CA3: variants seen among roughly 807,000 people sequenced by gnomAD.
CA3 encodes the protein carbonic anhydrase 3.
In CA3, 30 loss-of-function variants were observed where a neutral mutation model predicts 35.7. The observed-to-expected ratio is 0.84, with a 90% CI of 0.63 to 1.14. CA3 has a LOEUF of 1.14. CA3 is among the 50% of genes most tolerant of loss of function. CA3 has a pLI of 0.00. For synonymous variants in CA3, 131 were observed against 130.8 expected (o/e 1.00, Z -0.01); for missense variants, 295 against 328.5 (o/e 0.90, Z 0.79).
At chr8:85,447,294 T>A (rs886240425) in intron 6 of CA3, among the ~76,000 whole-genome samples, 5 of 152,154 alleles carry the variant, frequency 3.3e-5, no homozygotes, top group Non-Finnish European at 5.9e-5. Flanking sequence ...TTGATTTCTT[T>A]TTGCTCTTAA....
chr8:85,441,904 C>A, intron 2 of CA3, 169 bp from the exon 3 acceptor site: 1 of 571,342 alleles, frequency 1.8e-6, no homozygotes, highest in African/African-American at 1.9e-5. Flanking sequence ...CTTGACATAT[C>A]CCCAGACTTC....
intron 4 of CA3, among the ~76,000 whole-genome samples, chr8:85,444,742 A>T (rs1315596877): frequency 6.6e-6 from 1 of 152,222 alleles, no homozygotes; most frequent in Admixed American, 6.5e-5. Flanking sequence ...AATTTGTTTT[A>T]GGTTCTTAAT....
rs531453156 is a variant in CA3, at chr8:85,445,539, C to T, written c.507+321C>T. 1.4e-4 allele frequency among the ~76,000 whole-genome samples: 21 copies of T among 146,234 alleles called. No homozygotes were observed. In the South Asian group the frequency reaches 3.3e-3, roughly 23 times the overall value. The stretch of plus-strand genomic sequence containing the variant: ...ACACACACACACACACACACACACA[C>T]ACACACTGCATATATGCATGCATAC... On this transcript the variant is annotated intron_variant, in intron 5 of 6. Coordinates refer to ENST00000285381, the MANE Select transcript of CA3 (RefSeq NM_005181.4).
chr8:85,447,931 A>C (rs1478276296), intron 6 of CA3, 103 bp from the exon 7 acceptor site: 1 of 1,103,814 alleles, frequency 9.1e-7, no homozygotes, highest in Non-Finnish European at 1.3e-6. Context: ...AAACAAAAAA[A>C]CCAACAACAA....
At chr8:85,444,711 TTCTTTC>T in intron 4 of CA3, among the ~76,000 whole-genome samples, 1 of 152,354 alleles carries the variant, frequency 6.6e-6, no homozygotes, top group Admixed American at 6.5e-5. Flanking sequence ...AAAATCTGGC[TTCTTTC>T]TCTTTGAATG....
chr8:85,447,917 A>G (rs1400234550), intron 6 of CA3, 117 bp from the exon 7 acceptor site: 1 of 990,644 alleles, frequency 1.0e-6, no homozygotes, highest in South Asian at 2.0e-5. Context: ...ACAAACAAAC[A>G]AACAAACAAA....
intron 2 of CA3, chr8:85,441,760 T>G (rs953263412): frequency 2.5e-5 from 8 of 318,410 alleles, no homozygotes; most frequent in African/African-American, 1.7e-4. Flanking sequence ...CACTACTGAC[T>G]TGTTCTTTGG....
intron 6 of CA3, among the ~76,000 whole-genome samples, chr8:85,446,504 C>A (rs1039195606): frequency 2.6e-5 from 4 of 152,134 alleles, no homozygotes; most frequent in Non-Finnish European, 5.9e-5. Context: ...AAATGCAACT[C>A]ATTTAAAAGT....
intron 2 of CA3, among the ~76,000 whole-genome samples, chr8:85,440,520 C>A (rs1000184320): frequency 6.6e-6 from 1 of 152,062 alleles, no homozygotes; most frequent in African/African-American, 2.4e-5. Context: ...TGTGAGACAG[C>A]GACTGAAAAA....
chr8:85,444,650 A>G (rs1035159024), intron 4 of CA3, among the ~76,000 whole-genome samples: 2 of 152,220 alleles, frequency 1.3e-5, no homozygotes, highest in Admixed American at 1.3e-4. Flanking sequence ...ACTTAGTGTC[A>G]TTAACACATG....
chr8:85,445,199 T>C lies in CA3; in HGVS notation c.488T>C (p.Leu163Ser). The change falls in exon 5 of 7, where the codon TTG becomes TCG. Residue 163 changes from leucine (L) to serine (S), a missense_variant. Coordinates refer to ENST00000285381, the MANE Select transcript of CA3 (RefSeq NM_005181.4). ...GAGTTCCAGATTTTCCTTGATGCAT[T>C]GGACAAGATTAAGACAAAGGTAAAC... is the stretch of plus-strand genomic sequence containing the variant. ...NGEFQIFLDA[L>S]DKIKTKGKEA... The C allele has an allele frequency of 6.2e-7, 1 of 1,605,336 alleles. No individual in the cohort carries two copies. The highest frequency in any genetic ancestry group is 2.2e-5 in the East Asian group (1 of 44,752).
At chr8:85,443,980 A>G in intron 3 of CA3, 54 bp from the exon 4 acceptor site, 1 of 1,166,626 alleles carries the variant, frequency 8.6e-7, no homozygotes, top group Non-Finnish European at 1.3e-6. Flanking sequence ...ATAATGTTGT[A>G]CTTATTTCCA....
chr8:85,441,790 C>G, intron 2 of CA3: 1 of 378,176 alleles, frequency 2.6e-6, no homozygotes, highest in Non-Finnish European at 5.0e-6. Context: ...TCCTCATTGT[C>G]TATCTGTTGT....
In CA3 at chr8:85,439,922, A is replaced by G. The variant is rs749999183; in HGVS notation, c.232+13A>G. 29 of 1,592,034 alleles carry G rather than the reference A, an allele frequency of 1.8e-5. No homozygotes were observed. The highest frequency in any genetic ancestry group is 1.8e-4 in the Middle Eastern group (1 of 5,532). On this transcript the variant is annotated intron_variant, in intron 2 of 6. Coordinates refer to ENST00000285381, the MANE Select transcript of CA3 (RefSeq NM_005181.4). ...TATGATAGGTCAAGTAAGTATGACA[A>G]TGAGGTAGAATCACATGGATGTTTT...
chr8:85,441,771 G>A (rs1007242686), intron 2 of CA3: 3 of 335,378 alleles, frequency 8.9e-6, no homozygotes, highest in African/African-American at 4.2e-5. Context: ...TGTTCTTTGG[G>A]TGTATGCATC....
In CA3 at chr8:85,445,878, G is replaced by T. The variant is rs75036033; in HGVS notation, c.508-264G>T. 0.031 allele frequency among the ~76,000 whole-genome samples: 4,698 copies of T among 152,180 alleles called. 91 individuals carry two copies. The highest frequency in any genetic ancestry group is 0.081 in the South Asian group (390 of 4,818). The stretch of plus-strand genomic sequence containing the variant: ...TATCAGTTTCTCCTTTTTCTTGAGT[G>T]ATAGAATTATCACAGATAGTTCTAC... On this transcript the variant is annotated intron_variant, in intron 5 of 6. Transcript: ENST00000285381.
At chr8:85,448,005 T>C (rs1479100955) in intron 6 of CA3, 29 bp from the exon 7 acceptor site, 2 of 1,598,856 alleles carry the variant, frequency 1.3e-6, no homozygotes, top group African/African-American at 1.3e-5. Context: ...CCGAATGTCT[T>C]GTTAACAGTC....
chr8:85,440,565 C>G (rs1315627856), intron 2 of CA3, among the ~76,000 whole-genome samples: 3 of 152,146 alleles, frequency 2.0e-5, no homozygotes, highest in Non-Finnish European at 4.4e-5. Flanking sequence ...CTTTATTTCA[C>G]CTACACTAGT....
chr8:85,442,548 A>G lies in CA3; in HGVS notation c.351+357A>G, dbSNP rs1811222337. ...GGCAATATGGTGAAACCCTGTCTCTACAAAAAATACAAAAATTAGCCTGGC... is the reference window on the plus strand; with the variant it reads ...GGCAATATGGTGAAACCCTGTCTCTGCAAAAAATACAAAAATTAGCCTGGC... On this transcript the variant is annotated intron_variant, in intron 3 of 6. Transcript: ENST00000285381. 2.2e-5 allele frequency: 4 copies of G among 182,268 alleles called. No homozygotes were observed. In the South Asian group the frequency reaches 4.8e-4, roughly 22 times the overall value. 11.3% of individuals were successfully genotyped at this position (182,268 alleles called of 1,614,324 possible). A position where few individuals can be genotyped will look rare whatever the true frequency, so the allele number is the denominator to read the frequency against.
Sources: gnomAD v4.1 joint callset for allele counts (sites outside exome capture counted in the v4.1 genomes callset) on GRCh38, gnomAD v4.1.1 for gene constraint, MANE v1.5 for transcripts, NCBI Gene and HGNC (gene_info 2026-07-23, HGNC 2026-07-21) for gene names.